The following EXOC4 variants were observed in gnomAD, a reference collection of about 807,000 sequenced individuals.
The protein encoded by EXOC4 is exocyst complex component 4.
EXOC4 carries 71 observed loss-of-function variants against 107.2 expected under a neutral mutation model. That is an observed-to-expected ratio of 0.66 (90% confidence interval 0.55 to 0.81). The LOEUF (loss-of-function observed/expected upper bound fraction) is 0.81. Among genes scored for constraint, EXOC4 ranks in the 30% least tolerant of loss-of-function variants. EXOC4 has a pLI of 0.00. For synonymous variants in EXOC4, 456 were observed against 441.2 expected (o/e 1.03, Z -0.42); for missense variants, 1,108 against 1,189.6 (o/e 0.93, Z 1.01).
intron 7 of EXOC4, among the ~76,000 whole-genome samples, chr7:133,437,690 T>C (rs1293831791): frequency 6.6e-6 from 1 of 152,228 alleles, no homozygotes; most frequent in Non-Finnish European, 1.5e-5. Flanking sequence ...CACAAGTGTG[T>C]GCATGAATTC....
At chr7:133,261,495 A>G (rs1295206790) in intron 1 of EXOC4, among the ~76,000 whole-genome samples, 2 of 152,068 alleles carry the variant, frequency 1.3e-5, no homozygotes, top group African/African-American at 4.8e-5. Flanking sequence ...TCCTGGCCTC[A>G]AGCAATCCGC....
At chr7:133,850,333 TG>T (rs1356362218) in intron 11 of EXOC4, among the ~76,000 whole-genome samples, 1 of 152,150 alleles carries the variant, frequency 6.6e-6, no homozygotes, top group Non-Finnish European at 1.5e-5. Flanking sequence ...ATATATTCCT[TG>T]GGATCCAGCT....
intron 10 of EXOC4, among the ~76,000 whole-genome samples, chr7:133,786,499 A>C (rs1796571784): frequency 6.6e-6 from 1 of 152,240 alleles, no homozygotes; most frequent in African/African-American, 2.4e-5. Flanking sequence ...CACGGCCCAG[A>C]ACGTAACTTA....
At chr7:133,363,189 A>T (rs531868061) in intron 6 of EXOC4, among the ~76,000 whole-genome samples, 1 of 152,340 alleles carries the variant, frequency 6.6e-6, no homozygotes, top group South Asian at 2.1e-4. Flanking sequence ...AAGGGGATGA[A>T]TAGGATGAAC....
chr7:133,603,692 A>T (rs886366188), intron 9 of EXOC4, among the ~76,000 whole-genome samples: 24 of 152,326 alleles, frequency 1.6e-4, no homozygotes, highest in Non-Finnish European at 1.5e-4. Flanking sequence ...GTCCATCTGT[A>T]TGGGGCCTTT....
At chr7:133,734,500 C>T (rs913080237) in intron 10 of EXOC4, among the ~76,000 whole-genome samples, 1 of 148,006 alleles carries the variant, frequency 6.8e-6, no homozygotes, top group Non-Finnish European at 1.5e-5. Context: ...CTGTTAGATT[C>T]CATTTATTGG....
chr7:133,858,402 G>T (rs1798464927), intron 11 of EXOC4, among the ~76,000 whole-genome samples: 1 of 152,120 alleles, frequency 6.6e-6, no homozygotes, highest in Non-Finnish European at 1.5e-5. Context: ...TTGGGAGGAA[G>T]TGTGTGCTGA....
intron 13 of EXOC4, among the ~76,000 whole-genome samples, chr7:133,935,750 G>T (rs1312167684): frequency 6.6e-6 from 1 of 152,144 alleles, no homozygotes; most frequent in Non-Finnish European, 1.5e-5. Flanking sequence ...ATATTCTAAA[G>T]TGGTGATGGG....
intron 17 of EXOC4, among the ~76,000 whole-genome samples, chr7:134,013,802 A>G (rs756997360): frequency 1.3e-5 from 2 of 152,192 alleles, no homozygotes; most frequent in Non-Finnish European, 2.9e-5. Flanking sequence ...TTCATTTGTT[A>G]TTAGGGAAAT....
the EXOC4 span, among the ~76,000 whole-genome samples, chr7:134,079,713 T>A: frequency 6.6e-6 from 1 of 152,230 alleles, no homozygotes; most frequent in African/African-American, 2.4e-5. Context: ...TCAGTTCCTC[T>A]GGTCCTCCAC....
At position 133,934,913 on chromosome 7, in the gene EXOC4, A is replaced by T. The variant is rs907164064; in HGVS notation, c.2028-2978A>T. On this transcript the variant is annotated intron_variant, in intron 13 of 17. Transcript: ENST00000253861. ...AGTAAGTGGATTTTAGAGCTATCCAAATTCAGAGAAAGTTTTCTTGGGATG... is the reference window on the plus strand; with the variant it reads ...AGTAAGTGGATTTTAGAGCTATCCATATTCAGAGAAAGTTTTCTTGGGATG... 1.3e-5 allele frequency among the ~76,000 whole-genome samples: 2 copies of T among 151,342 alleles called. 1 individual carries two copies. Among genetic ancestry groups the T allele is most frequent in the Admixed American group, 1.3e-4 (2 of 15,134 alleles).
chr7:133,372,661 G>A (rs1024681517), intron 6 of EXOC4, among the ~76,000 whole-genome samples: 2 of 152,200 alleles, frequency 1.3e-5, no homozygotes, highest in East Asian at 3.9e-4. Flanking sequence ...CCAGATAACA[G>A]CACCCCTAAC....
chr7:133,601,960 A>G (rs961948195), intron 9 of EXOC4: 3 of 152,268 alleles, frequency 2.0e-5, no homozygotes, highest in East Asian at 1.9e-4. Flanking sequence ...CATGGAGGCA[A>G]TCCAATCCAG....
intron 14 of EXOC4, among the ~76,000 whole-genome samples, chr7:133,944,324 T>C (rs933223850): frequency 1.3e-5 from 2 of 152,164 alleles, no homozygotes; most frequent in East Asian, 3.9e-4. Context: ...AGACTTTCCT[T>C]GTTTTTTGTG....
chr7:133,372,554 T>TTC (rs1554442947), intron 6 of EXOC4, among the ~76,000 whole-genome samples: 4 of 152,028 alleles, frequency 2.6e-5, no homozygotes, highest in Non-Finnish European at 4.4e-5. Flanking sequence ...GTTTTTTTTT[T>TTC]CTCTAAATGT....
At chr7:133,346,887 G>T (rs1425852061) in intron 5 of EXOC4, among the ~76,000 whole-genome samples, 1 of 152,098 alleles carries the variant, frequency 6.6e-6, no homozygotes, top group Non-Finnish European at 1.5e-5. Context: ...CTATATCTTA[G>T]TTAACATGTA....
At chr7:133,800,697 C>G (rs1189400929) in intron 10 of EXOC4, among the ~76,000 whole-genome samples, 2 of 152,042 alleles carry the variant, frequency 1.3e-5, no homozygotes, top group African/African-American at 4.8e-5. Context: ...CACAAAGATC[C>G]CCTGGTCATT....
intron 6 of EXOC4, among the ~76,000 whole-genome samples, chr7:133,369,065 A>G (rs1796306546): frequency 6.6e-6 from 1 of 152,160 alleles, no homozygotes; most frequent in South Asian, 2.1e-4. Context: ...TCACTGGGGC[A>G]TTGTGTTTTC....
chr7:133,740,935 C>T (rs1446233805), intron 10 of EXOC4, among the ~76,000 whole-genome samples: 3 of 152,150 alleles, frequency 2.0e-5, no homozygotes, highest in Non-Finnish European at 2.9e-5. Context: ...AGAGTGGTTT[C>T]TGTCTGTTAC....
Sources: allele counts gnomAD v4.1 joint callset (sites outside exome capture counted in the v4.1 genomes callset), GRCh38; gene constraint gnomAD v4.1.1; transcripts MANE v1.5; gene names NCBI Gene and HGNC (gene_info 2026-07-23, HGNC 2026-07-21).